Variants in ADAM12 observed in about 807,000 individuals in gnomAD.
ADAM12 encodes ADAM metallopeptidase domain 12, also known as disintegrin and metalloproteinase domain-containing protein 12.
ADAM12 carries 70 observed loss-of-function variants against 106.4 expected under a neutral mutation model. That is an observed-to-expected ratio of 0.66 (90% CI 0.54 to 0.80). The LOEUF (loss-of-function observed/expected upper bound fraction) is 0.80. ADAM12 is among the 30% of genes least tolerant of loss of function. The pLI is 0.00. For synonymous variants in ADAM12, 420 were observed against 433.5 expected, an observed-to-expected ratio of 0.97 and a Z score of 0.39; for missense variants, 1,010 against 1,171.9, an observed-to-expected ratio of 0.86 and a Z score of 2.02.
chr10:126,233,406 G>A (rs1444016875), intron 3 of ADAM12, among the ~76,000 whole-genome samples: 1 of 152,156 alleles, frequency 6.6e-6, no homozygotes, highest in Non-Finnish European at 1.5e-5. Flanking sequence ...GGTCCTGCTG[G>A]GGGAGGAGGG....
At position 126,126,918 on chromosome 10, in the gene ADAM12, G is replaced by T. The variant is rs368780000; in HGVS notation, c.416+8666C>A. Among the ~76,000 whole-genome samples the T allele has an allele frequency of 7.2e-5, 11 of 152,278 alleles. No individual in the cohort carries two copies. In the East Asian group the frequency reaches 1.4e-3, roughly 19 times the overall value. On this transcript the variant is annotated intron_variant, in intron 5 of 22. Coordinates refer to ENST00000448723, the MANE Select transcript of ADAM12 (RefSeq NM_001288973.2). ...AGCCAGTCTGGAGACCTACCCAGAGGAGTTTAGATTGAGACATCCTGAGTT... is the reference window on the plus strand; with the variant it reads ...AGCCAGTCTGGAGACCTACCCAGAGTAGTTTAGATTGAGACATCCTGAGTT...
chr10:126,310,408 A>G lies in ADAM12; in HGVS notation c.186+20004T>C, dbSNP rs115768854. On this transcript the variant is annotated intron_variant, in intron 2 of 22. Coordinates refer to ENST00000448723, the MANE Select transcript of ADAM12 (RefSeq NM_001288973.2). ...TGCAAGTAAGAGAAAGAAATCACCAATGACAAATACCAATAATTAAAGACC... is the reference window on the plus strand; with the variant it reads ...TGCAAGTAAGAGAAAGAAATCACCAGTGACAAATACCAATAATTAAAGACC... Among the ~76,000 whole-genome samples the G allele has an allele frequency of 4.5e-3, 686 of 152,296 alleles. 6 individuals are homozygous for G. The highest frequency in any genetic ancestry group is 0.016 in the African/African-American group (663 of 41,550).
At chr10:126,235,081 G>A (rs776978848) in intron 3 of ADAM12, among the ~76,000 whole-genome samples, 3 of 152,168 alleles carry the variant, frequency 2.0e-5, no homozygotes, top group South Asian at 2.1e-4. Flanking sequence ...GGAAAGGGTC[G>A]TCTCCACGTG....
intron 3 of ADAM12, among the ~76,000 whole-genome samples, chr10:126,161,389 G>A (rs1956931074): frequency 1.3e-5 from 2 of 152,146 alleles, no homozygotes; most frequent in East Asian, 1.9e-4. Flanking sequence ...TGCCATCCAT[G>A]ACAGTGTCCG....
chr10:126,208,327 T>C (rs1365035371), intron 3 of ADAM12, among the ~76,000 whole-genome samples: 1 of 152,126 alleles, frequency 6.6e-6, no homozygotes, highest in East Asian at 1.9e-4. Context: ...CATCCTACAA[T>C]GCCCAGTGCA....
At chr10:126,219,880 G>A (rs1413711612) in intron 3 of ADAM12, among the ~76,000 whole-genome samples, 1 of 152,170 alleles carries the variant, frequency 6.6e-6, no homozygotes, top group Non-Finnish European at 1.5e-5. Flanking sequence ...TTTCTTCATT[G>A]AACTAGACAA....
chr10:126,155,449 C>A, intron 3 of ADAM12, 144 bp from the exon 4 acceptor site: 1 of 685,176 alleles, frequency 1.5e-6, no homozygotes, highest in South Asian at 2.0e-5. Flanking sequence ...CCCATTAGGG[C>A]CTTCCCAGTT....
In ADAM12 at chr10:126,108,060, C is replaced by T. The variant is rs76930268; in HGVS notation, c.741+533G>A. ...ATCTTTGTGAAAGGTGAGTTTCTGA[C>T]CTACTTGTTCTTGGCGAGGGATTTT... is the stretch of plus-strand genomic sequence containing the variant. On this transcript the variant is annotated intron_variant, in intron 8 of 22. Transcript: ENST00000448723. 3.3e-4 allele frequency among the ~76,000 whole-genome samples: 51 copies of T among 152,288 alleles called. 1 individual carries two copies. In the East Asian group the frequency reaches 8.9e-3, roughly 27 times the overall value.
intron 5 of ADAM12, among the ~76,000 whole-genome samples, chr10:126,133,871 G>C (rs1956355269): frequency 6.6e-6 from 1 of 152,100 alleles, no homozygotes; most frequent in Non-Finnish European, 1.5e-5. Context: ...CTCATCTAAA[G>C]GGCTCACCTC....
intron 5 of ADAM12, among the ~76,000 whole-genome samples, chr10:126,135,079 A>C (rs1956380108): frequency 6.6e-6 from 1 of 152,238 alleles, no homozygotes; most frequent in Non-Finnish European, 1.5e-5. Context: ...TGTTTCCTGC[A>C]TCATGCCCGT....
intron 14 of ADAM12, among the ~76,000 whole-genome samples, chr10:126,063,231 G>C (rs1954794299): frequency 6.6e-6 from 1 of 152,182 alleles, no homozygotes. Context: ...CTCCTCAGAG[G>C]CCGAGCTAAA....
chr10:126,155,152 G>A (rs771046074), intron 4 of ADAM12, 75 bp downstream of exon 4: 31 of 1,531,118 alleles, frequency 2.0e-5, no homozygotes, highest in African/African-American at 9.6e-5. Flanking sequence ...ATTTTGCTCC[G>A]AATAAAATGG....
Position 126,019,921 on chromosome 10 carries a change from T to G in ADAM12, c.2530-96A>C, listed in dbSNP as rs1422265380. On this transcript the variant is annotated intron_variant, in intron 21 of 22. Transcript: ENST00000448723. ...GCCGCTTGGCACAGGCCCTGCTTCC[T>G]GAATATCATCCTGTCACCATACAAG... 1.0e-5 allele frequency: 14 copies of G among 1,398,728 alleles called. No homozygotes were observed. In the East Asian group the frequency reaches 3.3e-4, roughly 33 times the overall value. 86.6% of individuals were successfully genotyped at this position (1,398,728 alleles called of 1,614,324 possible). A position where few individuals can be genotyped will look rare whatever the true frequency, so the allele number is the denominator to read the frequency against.
At chr10:126,071,061 T>G (rs946057994) in intron 12 of ADAM12, among the ~76,000 whole-genome samples, 6 of 152,132 alleles carry the variant, frequency 3.9e-5, no homozygotes, top group Non-Finnish European at 8.8e-5. Context: ...CAGAGGAAGC[T>G]CCTGGTTAAA....
intron 12 of ADAM12, among the ~76,000 whole-genome samples, chr10:126,069,725 G>A (rs1954947375): frequency 6.6e-6 from 1 of 152,096 alleles, no homozygotes; most frequent in Non-Finnish European, 1.5e-5. Context: ...AGTAGCTGTG[G>A]AGATGGCAGT....
At chr10:126,076,291 C>T (rs1459191789) in intron 11 of ADAM12, among the ~76,000 whole-genome samples, 1 of 152,198 alleles carries the variant, frequency 6.6e-6, no homozygotes, top group African/African-American at 2.4e-5. Flanking sequence ...GTATTCCATA[C>T]CACGTTTTCT....
intron 1 of ADAM12, among the ~76,000 whole-genome samples, chr10:126,341,986 T>G (rs768951601): frequency 1.3e-4 from 20 of 152,246 alleles, no homozygotes; most frequent in Non-Finnish European, 2.5e-4. Flanking sequence ...TTTCTAGATC[T>G]GAAACCTCAT....
chr10:126,299,573 A>G (rs1271425550), intron 2 of ADAM12, among the ~76,000 whole-genome samples: 1 of 152,056 alleles, frequency 6.6e-6, no homozygotes, highest in East Asian at 1.9e-4. Flanking sequence ...CACCCCTAAA[A>G]AGTCACATAC....
chr10:126,102,437 T>C (rs112282476), intron 8 of ADAM12, among the ~76,000 whole-genome samples: 1,782 of 152,300 alleles, frequency 0.012, 40 homozygotes, highest in African/African-American at 0.04. Context: ...ACAAAACTTA[T>C]AGAAGTTCTG....
Sources: gnomAD v4.1 joint callset for allele counts (sites outside exome capture counted in the v4.1 genomes callset) on GRCh38, gnomAD v4.1.1 for gene constraint, MANE v1.5 for transcripts, NCBI Gene and HGNC (gene_info 2026-07-23, HGNC 2026-07-21) for gene names.